FBN2: variants seen among roughly 807,000 people sequenced by gnomAD.
The protein encoded by FBN2 is fibrillin 2, also known as fibrillin-2.
A neutral mutation model predicts 355.6 loss-of-function variants in FBN2; 105 were observed. The ratio of observed to expected loss-of-function variants is 0.30; its 90% CI spans 0.25 to 0.35. The LOEUF is 0.35. FBN2 is among the 10% of genes least tolerant of loss of function. The probability of loss-of-function intolerance (pLI) is 1.00; values close to 1 mark genes in which losing one functional copy is unlikely to be tolerated. For synonymous variants in FBN2, 1,350 were observed against 1,301.2 expected, an observed-to-expected ratio of 1.04 and a Z score of -0.81; for missense variants, 3,280 against 3,758.7, an observed-to-expected ratio of 0.87 and a Z score of 3.33.
At chr5:128,454,186 A>C (rs1389925545) in intron 6 of FBN2, among the ~76,000 whole-genome samples, 1 of 152,206 alleles carries the variant, frequency 6.6e-6, no homozygotes, top group African/African-American at 2.4e-5. Flanking sequence ...TGTCCCAGTG[A>C]CTTCCCAACA....
chr5:128,431,261 C>T (rs904588764), intron 7 of FBN2, among the ~76,000 whole-genome samples: 1 of 152,220 alleles, frequency 6.6e-6, no homozygotes, highest in African/African-American at 2.4e-5. Context: ...ATCCTGAGTT[C>T]CTGTTTGACA....
chr5:128,430,322 C>A (rs909876324), intron 7 of FBN2, among the ~76,000 whole-genome samples: 5 of 151,596 alleles, frequency 3.3e-5, no homozygotes, highest in Non-Finnish European at 7.4e-5. Flanking sequence ...TAAAAGAATT[C>A]TCTTATGTTG....
intron 6 of FBN2, among the ~76,000 whole-genome samples, chr5:128,462,140 C>T (rs1754574947): frequency 6.6e-6 from 1 of 152,138 alleles, no homozygotes; most frequent in Non-Finnish European, 1.5e-5. Flanking sequence ...TCATTATCTT[C>T]CAAACTTCAA....
At chr5:128,430,035 T>G (rs1361599024) in intron 7 of FBN2, among the ~76,000 whole-genome samples, 1 of 152,196 alleles carries the variant, frequency 6.6e-6, no homozygotes, top group African/African-American at 2.4e-5. Flanking sequence ...AAAGCACTTT[T>G]TTTATTCTTG....
chr5:128,514,274 G>A (rs536791641), intron 5 of FBN2, among the ~76,000 whole-genome samples: 15 of 152,258 alleles, frequency 9.9e-5, no homozygotes, highest in African/African-American at 2.2e-4. Flanking sequence ...GTCTGATACT[G>A]TTTTTCCCAC....
intron 24 of FBN2, among the ~76,000 whole-genome samples, chr5:128,344,907 G>T (rs1235260654): frequency 3.3e-5 from 5 of 151,090 alleles, no homozygotes; most frequent in African/African-American, 9.7e-5. Flanking sequence ...CACCATGTTG[G>T]TCAGGCTGGT....
In FBN2 at chr5:128,289,141, C is replaced by T. The variant is rs200489152; in HGVS notation, c.6623G>A (p.Gly2208Glu). The part of the protein sequence containing the change: ...CPMGYNLDYT[G>E]VRCVDTDECS... ...CCAACACTCACCCACACAGCGTACT[C>T]CAGTGTAGTCAAGGTTGTAGCCCAT... The change falls in exon 52 of 65, where the codon GGA (glycine) becomes GAA (glutamate). Residue 2208 changes from glycine to glutamate, a missense_variant. Physicochemically the swap from Gly to Glu is moderately conservative, Grantham distance 98. This residue lies in a region of FBN2 where 2,284 missense variants were observed against 2,749.5 expected (regional missense o/e 0.83). Transcript: ENST00000262464. The T allele has an allele frequency of 3.1e-6, 5 of 1,613,888 alleles. No homozygotes were observed. Among genetic ancestry groups the T allele is most frequent in the Non-Finnish European group, 4.2e-6 (5 of 1,179,750 alleles).
intron 6 of FBN2, among the ~76,000 whole-genome samples, chr5:128,463,823 T>C (rs1017572192): frequency 9.9e-5 from 15 of 152,214 alleles, no homozygotes; most frequent in African/African-American, 3.1e-4. Flanking sequence ...ACTTTGTGCA[T>C]GTTTTAATTA....
At chr5:128,515,333 C>T (rs186081809) in intron 5 of FBN2, among the ~76,000 whole-genome samples, 60 of 152,260 alleles carry the variant, frequency 3.9e-4, no homozygotes, top group South Asian at 8.3e-4. Flanking sequence ...GTGGTTGACT[C>T]CTTTCAGAGA....
chr5:128,501,108 A>T (rs1755797288), intron 5 of FBN2, among the ~76,000 whole-genome samples: 1 of 152,230 alleles, frequency 6.6e-6, no homozygotes, highest in Non-Finnish European at 1.5e-5. Flanking sequence ...ACAGAAAACT[A>T]ACACCAAGCA....
At chr5:128,346,457 T>G (rs969336884) in intron 23 of FBN2, among the ~76,000 whole-genome samples, 2 of 152,214 alleles carry the variant, frequency 1.3e-5, no homozygotes, top group Non-Finnish European at 2.9e-5. Flanking sequence ...AGCTGAAAAC[T>G]GTCTAACGGA....
chr5:128,305,421 C>G, intron 44 of FBN2, 90 bp downstream of exon 44: 1 of 1,465,294 alleles, frequency 6.8e-7, no homozygotes. Context: ...GTGAGAAAAT[C>G]TTTCCCAAAT....
In FBN2 at chr5:128,334,034, T is replaced by C. The variant is rs149580628; in HGVS notation, c.4099+685A>G. Among the ~76,000 whole-genome samples, 24 of 152,164 alleles carry C rather than the reference T, an allele frequency of 1.6e-4. No homozygotes were observed. The East Asian group carries it at 4.5e-3, about 28-fold the overall frequency. ...AATATCACACATAAGTCTTAAATTG[T>C]GCACTGAGGAATACGTGATCCAAAA... is the stretch of plus-strand genomic sequence containing the variant. On this transcript the variant is annotated intron_variant, in intron 31 of 64. Coordinates refer to ENST00000262464, the MANE Select transcript of FBN2 (RefSeq NM_001999.4).
chr5:128,537,740 T>A lies in FBN2; in HGVS notation c.-137A>T, dbSNP rs1020858114. On this transcript the variant is annotated 5_prime_UTR_variant, in exon 1 of 65. Transcript: ENST00000262464. ...GGGACTCCCTCGGGCTCGGGCTCCC[T>A]GCTCTAGCTGGAGACCTCGACAGAG... 2 of 846,248 alleles carry A rather than the reference T, an allele frequency of 2.4e-6. No individual in the cohort carries two copies. Among genetic ancestry groups the A allele is most frequent in the African/African-American group, 3.4e-5 (2 of 59,464 alleles). 52.4% of individuals were successfully genotyped at this position (846,248 alleles called of 1,614,324 possible). A position where few individuals can be genotyped will look rare whatever the true frequency, so the allele number is the denominator to read the frequency against.
rs150821713 is a variant in FBN2 at position 128,465,849 on chromosome 5, C to G, written c.629-928G>C. 9.8e-4 allele frequency among the ~76,000 whole-genome samples: 149 copies of G among 152,324 alleles called. 1 individual carries two copies. The East Asian group carries it at 0.026, about 26-fold the overall frequency. On this transcript the variant is annotated intron_variant, in intron 5 of 64. Transcript: ENST00000262464. ...GGTTTCTATGGACCAGCAGCAACAG[C>G]ATCACTTTGGGGCCGGGTAGAAATG...
At position 128,487,130 on chromosome 5, in the gene FBN2, G is replaced by A. The variant is rs369643610; in HGVS notation, c.629-22209C>T. Reference sequence around the variant, plus strand: ...TTATGGCCAATGATATGAAAACACAGAAGTGTCACTTCCAGGCCAAAGTGT... The same window carrying A: ...TTATGGCCAATGATATGAAAACACAAAAGTGTCACTTCCAGGCCAAAGTGT... On this transcript the variant is annotated intron_variant, in intron 5 of 64. Coordinates refer to ENST00000262464, the MANE Select transcript of FBN2 (RefSeq NM_001999.4). 5.9e-5 allele frequency among the ~76,000 whole-genome samples: 9 copies of A among 152,128 alleles called. No homozygotes were observed. The South Asian group carries it at 1.0e-3, about 17-fold the overall frequency.
Position 128,274,607 on chromosome 5 carries a change from T to G in FBN2, c.7671A>C (p.Lys2557Asn). The change falls in exon 60 of 65, where the codon AAA (lysine) becomes AAC (asparagine). Residue 2557 changes from lysine (K) to asparagine (N), a missense_variant. Around this residue, in one of 6 missense-constraint regions of FBN2, gnomAD observed 2,284 missense variants for 2,749.5 expected, o/e 0.83. Transcript: ENST00000262464. ...CVNTLGGFTC[K>N]CPPGFTQHHT... The stretch of plus-strand genomic sequence containing the variant: ...GATGCTGTGTGAAACCAGGTGGACA[T>G]TTACAGGTAAACCCCCCCAGGGTGT... 2 of 1,613,040 alleles carry G rather than the reference T, an allele frequency of 1.2e-6. No individual in the cohort carries two copies. The highest frequency in any genetic ancestry group is 1.7e-6 in the Non-Finnish European group (2 of 1,179,028).
intron 8 of FBN2, among the ~76,000 whole-genome samples, chr5:128,403,318 C>A (rs186205544): frequency 6.6e-6 from 1 of 152,294 alleles, no homozygotes; most frequent in East Asian, 1.9e-4. Flanking sequence ...GTATTGTGCA[C>A]TAACACGTTT....
intron 62 of FBN2, among the ~76,000 whole-genome samples, chr5:128,265,762 C>CTTCCTAAAGTGTTAG (rs1341259569): frequency 3.9e-5 from 6 of 152,210 alleles, no homozygotes; most frequent in African/African-American, 1.4e-4. Flanking sequence ...TGGCAGAAAA[C>CTTCCTAAAGTGTTAG]TTCCTAAAGT....
Sources: allele counts gnomAD v4.1 joint callset (sites outside exome capture counted in the v4.1 genomes callset), GRCh38; gene constraint gnomAD v4.1.1; regional missense constraint gnomAD v4.1.1; transcripts MANE v1.5; gene names NCBI Gene and HGNC (gene_info 2026-07-23, HGNC 2026-07-21).